The following ELAVL2 variants were observed in gnomAD, a reference collection of about 807,000 sequenced individuals.
The protein encoded by ELAVL2 is ELAV like RNA binding protein 2.
ELAVL2 carries 4 observed loss-of-function variants against 34.6 expected under a neutral mutation model. The observed-to-expected ratio is 0.12, with a 90% CI of 0.06 to 0.26. The LOEUF is 0.26. ELAVL2 is among the 10% of genes least tolerant of loss of function. ELAVL2 has a pLI of 1.00. For synonymous variants in ELAVL2, 193 were observed against 154.8 expected (o/e 1.25, Z -1.83); for missense variants, 432 against 442.8 (o/e 0.98, Z 0.22).
chr9:23,795,812 G>GA (rs1324694915), intron 1 of ELAVL2, among the ~76,000 whole-genome samples: 1 of 152,142 alleles, frequency 6.6e-6, no homozygotes, highest in Admixed American at 6.5e-5. Flanking sequence ...TCTCCTCCCT[G>GA]AAAGTTGATT....
chr9:23,737,751 G>T (rs147258325), intron 2 of ELAVL2, among the ~76,000 whole-genome samples: 1 of 152,122 alleles, frequency 6.6e-6, no homozygotes, highest in Admixed American at 6.5e-5. Context: ...AATAAAAGCC[G>T]TGTGAATCTT....
chr9:23,845,946 A>G, the ELAVL2 span, among the ~76,000 whole-genome samples: 3 of 151,850 alleles, frequency 2.0e-5, no homozygotes, highest in African/African-American at 7.2e-5. Flanking sequence ...TTGAATGTCA[A>G]TGATGTCCTT....
intron 1 of ELAVL2, among the ~76,000 whole-genome samples, chr9:23,764,393 C>T (rs1381967615): frequency 6.6e-6 from 1 of 152,174 alleles, no homozygotes; most frequent in Non-Finnish European, 1.5e-5. Context: ...CCTAAGCCAA[C>T]ATTCAAGTGA....
intron 2 of ELAVL2, among the ~76,000 whole-genome samples, chr9:23,759,469 A>T (rs1248607104): frequency 6.6e-6 from 1 of 151,740 alleles, no homozygotes; most frequent in Non-Finnish European, 1.5e-5. Context: ...AAAAGAAATA[A>T]GTTCTGGTGT....
At chr9:23,756,981 C>T in intron 2 of ELAVL2, among the ~76,000 whole-genome samples, 1 of 152,104 alleles carries the variant, frequency 6.6e-6, no homozygotes, top group South Asian at 2.1e-4. Flanking sequence ...TCATGAGACA[C>T]AGTCTGATTC....
At chr9:23,723,626 A>G (rs2044319002) in intron 3 of ELAVL2, among the ~76,000 whole-genome samples, 1 of 152,056 alleles carries the variant, frequency 6.6e-6, no homozygotes, top group Non-Finnish European at 1.5e-5. Flanking sequence ...AATTTATCTT[A>G]TCTCACTGTT....
chr9:23,714,843 C>G (rs747393155), intron 3 of ELAVL2, among the ~76,000 whole-genome samples: 1 of 151,946 alleles, frequency 6.6e-6, no homozygotes, highest in Non-Finnish European at 1.5e-5. Context: ...CTCTCAAGTA[C>G]CACTATAAAA....
At chr9:23,804,286 C>T (rs702220) in intron 1 of ELAVL2, among the ~76,000 whole-genome samples, 59,149 of 151,022 alleles carry the variant, frequency 0.39, 11,760 homozygotes, top group East Asian at 0.52. Context: ...CAATAAAAGA[C>T]AGAAATATTT....
intron 1 of ELAVL2, among the ~76,000 whole-genome samples, chr9:23,779,698 T>C (rs7024224): frequency 0.16 from 24,246 of 151,686 alleles, 2,417 homozygotes; most frequent in East Asian, 0.35. Context: ...GACACCACCA[T>C]CCAATTCATA....
chr9:23,791,413 C>A (rs182244155), intron 1 of ELAVL2, among the ~76,000 whole-genome samples: 3 of 152,274 alleles, frequency 2.0e-5, no homozygotes, highest in Non-Finnish European at 4.4e-5. Context: ...AAGTGTATCT[C>A]CCAAAATTAA....
intron 2 of ELAVL2, among the ~76,000 whole-genome samples, chr9:23,745,248 G>A (rs192988061): frequency 6.6e-6 from 1 of 152,122 alleles, no homozygotes; most frequent in East Asian, 1.9e-4. Context: ...AGGAACTATG[G>A]TAGATTTTTA....
intron 1 of ELAVL2, among the ~76,000 whole-genome samples, chr9:23,788,009 G>A (rs1490630480): frequency 6.6e-6 from 1 of 152,116 alleles, no homozygotes; most frequent in Admixed American, 6.6e-5. Flanking sequence ...TTAAAAAGGC[G>A]CAAAAAACCA....
At chr9:23,751,952 C>T (rs978668207) in intron 2 of ELAVL2, among the ~76,000 whole-genome samples, 1 of 152,132 alleles carries the variant, frequency 6.6e-6, no homozygotes, top group African/African-American at 2.4e-5. Context: ...TTGTTCCACC[C>T]CTGGAAAATC....
At chr9:23,735,539 A>G (rs1587893755) in intron 2 of ELAVL2, 1 of 152,178 alleles carries the variant, frequency 6.6e-6, no homozygotes, top group South Asian at 2.1e-4. Context: ...TCGGCCTCCC[A>G]ATGTGCTGGG....
chr9:23,809,894 A>C (rs935361044), intron 1 of ELAVL2, among the ~76,000 whole-genome samples: 1 of 152,210 alleles, frequency 6.6e-6, no homozygotes, highest in East Asian at 1.9e-4. Flanking sequence ...AGAAAGGTGA[A>C]TCAAGAACAA....
At chr9:23,728,045 A>G (rs1467873364) in intron 3 of ELAVL2, among the ~76,000 whole-genome samples, 7 of 152,108 alleles carry the variant, frequency 4.6e-5, no homozygotes, top group Non-Finnish European at 4.4e-5. Context: ...GAGTTTTGAT[A>G]TAACGATCAG....
chr9:23,829,320 A>G (rs1329890025), upstream of ELAVL2, among the ~76,000 whole-genome samples: 1 of 152,222 alleles, frequency 6.6e-6, no homozygotes, highest in Non-Finnish European at 1.5e-5. Context: ...AGAATATGCA[A>G]AGCTGTTGTG....
Position 23,784,602 on chromosome 9 carries a change from G to A in ELAVL2, c.-15-22353C>T, listed in dbSNP as rs571478494. Among the ~76,000 whole-genome samples the A allele has an allele frequency of 4.6e-5, 7 of 152,258 alleles. No homozygotes were observed. In the South Asian group the frequency reaches 1.4e-3, roughly 32 times the overall value. Reference sequence around the variant, plus strand: ...CAATATGTGGAACCCAGCAGGCAGAGTTTTACAATTATGGATAAAACTTAA... The same window carrying A: ...CAATATGTGGAACCCAGCAGGCAGAATTTTACAATTATGGATAAAACTTAA... On this transcript the variant is annotated intron_variant, in intron 1 of 6. Coordinates refer to ENST00000397312, the MANE Select transcript of ELAVL2 (RefSeq NM_004432.5).
At chr9:23,801,685 C>T (rs564449964) in intron 1 of ELAVL2, among the ~76,000 whole-genome samples, 2 of 152,222 alleles carry the variant, frequency 1.3e-5, no homozygotes, top group Non-Finnish European at 2.9e-5. Flanking sequence ...AATGTTCACG[C>T]ATTAGTTATC....
Sources: gnomAD v4.1 joint callset for allele counts (sites outside exome capture counted in the v4.1 genomes callset) on GRCh38, gnomAD v4.1.1 for gene constraint, MANE v1.5 for transcripts, NCBI Gene and HGNC (gene_info 2026-07-23, HGNC 2026-07-21) for gene names.